The following ILDR1 variants were observed in gnomAD, a reference collection of about 807,000 sequenced individuals.
The protein encoded by ILDR1 is immunoglobulin like domain containing receptor 1, also known as immunoglobulin-like domain-containing receptor 1.
ILDR1 carries 56 observed loss-of-function variants against 62.4 expected under a neutral mutation model. That is an observed-to-expected ratio of 0.90 (90% CI 0.72 to 1.12). The LOEUF (loss-of-function observed/expected upper bound fraction) is 1.12. ILDR1 is among the 50% of genes most tolerant of loss of function. The pLI, the probability that ILDR1 is intolerant of heterozygous loss-of-function variation, is 0.00. For missense variants in ILDR1, 736 were observed against 710.6 expected, an observed-to-expected ratio of 1.04 and a Z score of -0.41; for synonymous variants, 284 against 277.8, an observed-to-expected ratio of 1.02 and a Z score of -0.22.
At chr3:122,051,084 A>G in the ILDR1 span, among the ~76,000 whole-genome samples, 51 of 152,230 alleles carry the variant, frequency 3.4e-4, no homozygotes, top group African/African-American at 1.2e-3. Context: ...GCTTTCGACA[A>G]TTTGATTATA....
chr3:122,049,958 C>A, the ILDR1 span, among the ~76,000 whole-genome samples: 1 of 152,202 alleles, frequency 6.6e-6, no homozygotes, highest in Non-Finnish European at 1.5e-5. Context: ...CTTTGACTTC[C>A]CAATCTCCAT....
the ILDR1 span, among the ~76,000 whole-genome samples, chr3:122,032,338 G>C: frequency 6.6e-6 from 1 of 152,132 alleles, no homozygotes; most frequent in Non-Finnish European, 1.5e-5. Flanking sequence ...CATTGTATTA[G>C]AATATACTGC....
chr3:121,998,854 A>G (rs555541215), intron 5 of ILDR1, among the ~76,000 whole-genome samples: 1 of 152,220 alleles, frequency 6.6e-6, no homozygotes, highest in South Asian at 2.1e-4. Context: ...CCACCTACAG[A>G]GGCTGTGGCA....
the ILDR1 span, among the ~76,000 whole-genome samples, chr3:122,048,509 T>C: frequency 6.6e-6 from 1 of 152,354 alleles, no homozygotes; most frequent in African/African-American, 2.4e-5. Flanking sequence ...GTGTTAATTC[T>C]TCTTTAAATG....
At chr3:121,989,579 A>T (rs546762429) in intron 7 of ILDR1, among the ~76,000 whole-genome samples, 1 of 152,332 alleles carries the variant, frequency 6.6e-6, no homozygotes, top group South Asian at 2.1e-4. Flanking sequence ...AAGATAATTC[A>T]TTGGAAGGAG....
chr3:121,987,915 G>GT lies in ILDR1; in HGVS notation c.*451dup, dbSNP rs1330049778. The GT allele has an allele frequency of 4.1e-6, 1 of 244,998 alleles. No homozygotes were observed. Among genetic ancestry groups the GT allele is most frequent in the Non-Finnish European group, 8.1e-6 (1 of 123,918 alleles). 15.2% of individuals were successfully genotyped at this position (244,998 alleles called of 1,614,324 possible). A position where few individuals can be genotyped will look rare whatever the true frequency, so the allele number is the denominator to read the frequency against. On this transcript the variant is annotated 3_prime_UTR_variant, in exon 8 of 8. Coordinates refer to ENST00000344209, the MANE Select transcript of ILDR1 (RefSeq NM_001199799.2). ...ACTTTTTTGTTTTTTGGCCTTTTGGGTTTTTTAGTAATGGGGACTTGCTCT... is the reference window on the plus strand; with the variant it reads ...ACTTTTTTGTTTTTTGGCCTTTTGGGTTTTTTTAGTAATGGGGACTTGCTCT...
At chr3:122,002,281 G>A (rs1248260416) in intron 3 of ILDR1, among the ~76,000 whole-genome samples, 4 of 152,168 alleles carry the variant, frequency 2.6e-5, no homozygotes, top group Admixed American at 2.0e-4. Context: ...AGACTCAAAG[G>A]AACTGGCCTA....
At position 121,993,345 on chromosome 3, in the gene ILDR1, G is replaced by C; in HGVS notation, c.1404C>G (p.Tyr468Ter). 6.2e-7 allele frequency: 1 copy of C among 1,610,130 alleles called. No individual in the cohort carries two copies. The highest frequency in any genetic ancestry group is 8.5e-7 in the Non-Finnish European group (1 of 1,177,002). The change falls in exon 7 of 8, where the codon TAC becomes TAG. Residue 468 changes from tyrosine (Y) to a stop codon, truncating the protein, a stop_gained. Coordinates refer to ENST00000344209, the MANE Select transcript of ILDR1 (RefSeq NM_001199799.2). LOFTEE classifies it high-confidence loss of function. ...RHGRRRRHRS[Y>*]SPPLPSGLSS... ...TGAGGCCGGAGGGCAAGGGAGGAGA[G>C]TAGCTGCGGTGCCTGCGTCGTCTCC...
Position 122,006,999 on chromosome 3 carries a change from T to C in ILDR1, c.221A>G (p.Tyr74Cys), listed in dbSNP as rs2071622270. ...GGGGTAAGGATACTCACACGCTGAG[T>C]AGTAGTCAAAGATAGGGTCCTTGCA... ...SFCKDPIFDY[Y>C]SASYQAALSL... Residue 74 changes from tyrosine to cysteine, a missense_variant, in exon 2 of 8, where the codon TAC becomes TGC. Tyr to Cys is a radical substitution (Grantham distance 194). Transcript: ENST00000344209. 1 of 1,611,876 alleles carries C rather than the reference T, an allele frequency of 6.2e-7. No homozygotes were observed. Among genetic ancestry groups the C allele is most frequent in the South Asian group, 1.1e-5 (1 of 90,914 alleles).
chr3:122,050,109 C>A, the ILDR1 span, among the ~76,000 whole-genome samples: 1 of 152,186 alleles, frequency 6.6e-6, no homozygotes, highest in African/African-American at 2.4e-5. Context: ...TTATCATTCG[C>A]ATGGAATATT....
upstream of ILDR1, among the ~76,000 whole-genome samples, chr3:122,024,256 A>C (rs1322714412): frequency 6.6e-6 from 1 of 152,188 alleles, no homozygotes; most frequent in Middle Eastern, 3.2e-3. Context: ...TATAGAAAGA[A>C]ATATGGCACT....
intron 1 of ILDR1, among the ~76,000 whole-genome samples, chr3:122,014,809 A>T (rs2071755382): frequency 6.6e-6 from 1 of 152,222 alleles, no homozygotes; most frequent in Admixed American, 6.5e-5. Flanking sequence ...ATAGCCACTC[A>T]GGTGGTTTGA....
the ILDR1 span, among the ~76,000 whole-genome samples, chr3:122,037,855 C>T: frequency 6.6e-6 from 1 of 152,008 alleles, no homozygotes; most frequent in Non-Finnish European, 1.5e-5. Flanking sequence ...AGATTTCCTC[C>T]TTGTTGTTCT....
chr3:121,987,674 T>C lies in ILDR1; in HGVS notation c.*693A>G, dbSNP rs1161858710. 1 of 156,922 alleles carries C rather than the reference T, an allele frequency of 6.4e-6. No individual in the cohort carries two copies. The highest frequency in any genetic ancestry group is 1.4e-5 in the Non-Finnish European group (1 of 71,108). 9.7% of individuals were successfully genotyped at this position (156,922 alleles called of 1,614,324 possible). ...CTATAATACTCCATAGATTTCCTTT[T>C]CCTGAAACATGTTTGATTTCTTCTT... On this transcript the variant is annotated 3_prime_UTR_variant, in exon 8 of 8. Coordinates refer to ENST00000344209, the MANE Select transcript of ILDR1 (RefSeq NM_001199799.2).
the ILDR1 span, among the ~76,000 whole-genome samples, chr3:122,045,478 A>T: frequency 6.6e-6 from 1 of 151,936 alleles, no homozygotes; most frequent in Admixed American, 6.6e-5. Flanking sequence ...ATCCCTGTTG[A>T]CTTTCTGTCT....
rs777709144 is a variant in ILDR1, at chr3:121,993,976, T to C, written c.779-6A>G. On this transcript the variant is annotated splice_polypyrimidine_tract_variant and splice_region_variant and intron_variant, in intron 6 of 7. Coordinates refer to ENST00000344209, the MANE Select transcript of ILDR1 (RefSeq NM_001199799.2). ...GCTGGACGGCAGGGACAAATCTGAA[T>C]GGAAACAAGGACAGGACAATAGAAC... The C allele has an allele frequency of 6.8e-6, 11 of 1,606,802 alleles. No individual in the cohort carries two copies. Among genetic ancestry groups the C allele is most frequent in the Non-Finnish European group, 7.6e-6 (9 of 1,179,520 alleles).
At chr3:122,011,922 C>G (rs1286035283) in intron 1 of ILDR1, among the ~76,000 whole-genome samples, 1 of 152,120 alleles carries the variant, frequency 6.6e-6, no homozygotes, top group East Asian at 1.9e-4. Context: ...CATCACATAC[C>G]TAAAAAGTGT....
intron 1 of ILDR1, among the ~76,000 whole-genome samples, chr3:122,015,882 GT>G (rs2071769821): frequency 6.6e-6 from 1 of 152,092 alleles, no homozygotes; most frequent in Non-Finnish European, 1.5e-5. Context: ...CATATCACCT[GT>G]GCTTACCTAG....
At chr3:122,006,286 T>G (rs182399401) in intron 2 of ILDR1, among the ~76,000 whole-genome samples, 1 of 152,276 alleles carries the variant, frequency 6.6e-6, no homozygotes, top group East Asian at 1.9e-4. Flanking sequence ...CTCCAAAAAA[T>G]TAATTGTCTT....
Sources: allele counts gnomAD v4.1 joint callset (sites outside exome capture counted in the v4.1 genomes callset), GRCh38; gene constraint gnomAD v4.1.1; transcripts MANE v1.5; gene names NCBI Gene and HGNC (gene_info 2026-07-23, HGNC 2026-07-21).